The following SHISA9 variants were observed in gnomAD, a reference collection of about 807,000 sequenced individuals.
SHISA9 encodes the protein shisa family member 9.
In SHISA9, 13 loss-of-function variants were observed where a neutral mutation model predicts 38.0. The observed-to-expected ratio is 0.34, with a 90% CI of 0.22 to 0.54. SHISA9 has a LOEUF of 0.54. Among genes scored for constraint, SHISA9 ranks in the 20% least tolerant of loss-of-function variants. The pLI, the probability that SHISA9 is intolerant of heterozygous loss-of-function variation, is 0.91. For missense variants in SHISA9, 538 were observed against 575.8 expected, an observed-to-expected ratio of 0.93 and a Z score of 0.67; for synonymous variants, 275 against 242.0, an observed-to-expected ratio of 1.14 and a Z score of -1.27.
the SHISA9 span, among the ~76,000 whole-genome samples, chr16:13,250,516 AT>A: frequency 6.6e-6 from 1 of 152,072 alleles, no homozygotes; most frequent in Non-Finnish European, 1.5e-5. Flanking sequence ...TGATTCCCTT[AT>A]CCATATGATA....
At chr16:13,180,773 T>C (rs927933676) in intron 2 of SHISA9, among the ~76,000 whole-genome samples, 2 of 152,154 alleles carry the variant, frequency 1.3e-5, no homozygotes, top group Non-Finnish European at 2.9e-5. Context: ...GCCATCCTTA[T>C]GGAATCAGGA....
chr16:13,359,568 T>G, the SHISA9 span, among the ~76,000 whole-genome samples: 2 of 152,346 alleles, frequency 1.3e-5, no homozygotes, highest in African/African-American at 2.4e-5. Flanking sequence ...GTGGGAAAGT[T>G]GTGTAAGTTT....
chr16:13,076,029 ATTTTTTTTT>A (rs35313169), intron 2 of SHISA9, among the ~76,000 whole-genome samples: 1 of 135,496 alleles, frequency 7.4e-6, no homozygotes, highest in Non-Finnish European at 1.6e-5. Context: ...TGAGAAATAG[ATTTTTTTTT>A]TTTTTTTTTT....
chr16:13,137,078 G>C (rs997401204), intron 2 of SHISA9, among the ~76,000 whole-genome samples: 3 of 152,192 alleles, frequency 2.0e-5, no homozygotes, highest in Non-Finnish European at 4.4e-5. Flanking sequence ...TCAACAGAAT[G>C]TATCCTTTCC....
chr16:12,923,750 A>G lies in SHISA9; in HGVS notation c.691+6935A>G, dbSNP rs535088939. 1.6e-4 allele frequency among the ~76,000 whole-genome samples: 24 copies of G among 152,036 alleles called. No individual in the cohort carries two copies. In the South Asian group the frequency reaches 5.0e-3, roughly 32 times the overall value. ...CAGCTACTTGGGAGGCTGAGGCAGG[A>G]GAATGGCATGAATCTGGGAGGCGGA... On this transcript the variant is annotated intron_variant, in intron 2 of 4. Transcript: ENST00000558583.
intron 2 of SHISA9, among the ~76,000 whole-genome samples, chr16:12,949,113 C>G (rs1015176659): frequency 6.6e-6 from 1 of 152,152 alleles, no homozygotes; most frequent in South Asian, 2.1e-4. Flanking sequence ...TATTTGTACC[C>G]TTCTCTCCCT....
At chr16:13,329,533 C>T in the SHISA9 span, among the ~76,000 whole-genome samples, 1 of 152,184 alleles carries the variant, frequency 6.6e-6, no homozygotes, top group Non-Finnish European at 1.5e-5. Flanking sequence ...TTTCTTCCCA[C>T]TCCTCTAATT....
chr16:13,076,786 T>C (rs2073587753), intron 2 of SHISA9, among the ~76,000 whole-genome samples: 1 of 152,222 alleles, frequency 6.6e-6, no homozygotes, highest in Non-Finnish European at 1.5e-5. Flanking sequence ...AGGAATCTAC[T>C]TGGTTGTCAC....
the SHISA9 span, among the ~76,000 whole-genome samples, chr16:13,345,499 G>T: frequency 6.6e-6 from 1 of 152,078 alleles, no homozygotes; most frequent in African/African-American, 2.4e-5. Context: ...TCTTAATCCA[G>T]TCTATCACTG....
the SHISA9 span, among the ~76,000 whole-genome samples, chr16:13,338,882 C>T: frequency 3.9e-5 from 6 of 152,250 alleles, no homozygotes; most frequent in South Asian, 6.2e-4. Context: ...GTTAGATTTA[C>T]GTTAGACTTG....
At chr16:13,469,423 A>AAGAAAGAAAGAAAGAAAG in the SHISA9 span, among the ~76,000 whole-genome samples, 2 of 115,876 alleles carry the variant, frequency 1.7e-5, no homozygotes. Flanking sequence ...GAAAGAAAGA[A>AAGAAAGAAAGAAAGAAAG]AAAGAAAGAA....
At chr16:13,490,350 A>T in the SHISA9 span, among the ~76,000 whole-genome samples, 3 of 152,190 alleles carry the variant, frequency 2.0e-5, no homozygotes, top group African/African-American at 7.2e-5. Flanking sequence ...ATTGCCTGAG[A>T]CCAGCCTGGG....
intron 2 of SHISA9, among the ~76,000 whole-genome samples, chr16:13,126,721 G>C (rs765882916): frequency 1.4e-5 from 2 of 147,970 alleles, no homozygotes; most frequent in Non-Finnish European, 3.0e-5. Flanking sequence ...GAGAGACTGA[G>C]AGAAGGAAAG....
At chr16:13,551,722 A>G in the SHISA9 span, among the ~76,000 whole-genome samples, 923 of 152,274 alleles carry the variant, frequency 6.1e-3, 3 homozygotes, top group Middle Eastern at 0.014. Flanking sequence ...CTGAGTGATC[A>G]GGTGAAAAAA....
chr16:13,084,464 T>C (rs1264377049), intron 2 of SHISA9, among the ~76,000 whole-genome samples: 1 of 152,146 alleles, frequency 6.6e-6, no homozygotes, highest in Non-Finnish European at 1.5e-5. Context: ...TCAGGTGCCT[T>C]AGAGTGAGAA....
At chr16:13,449,885 G>A in the SHISA9 span, among the ~76,000 whole-genome samples, 1 of 152,154 alleles carries the variant, frequency 6.6e-6, no homozygotes, top group Non-Finnish European at 1.5e-5. Context: ...GTGAGGCTGA[G>A]GTGGGTGGAT....
chr16:13,470,234 G>A, the SHISA9 span, among the ~76,000 whole-genome samples: 2 of 152,180 alleles, frequency 1.3e-5, no homozygotes, highest in South Asian at 4.1e-4. Context: ...GTTATGAAGT[G>A]TTAATTCTGA....
the SHISA9 span, among the ~76,000 whole-genome samples, chr16:13,297,375 A>G: frequency 6.6e-6 from 1 of 152,206 alleles, no homozygotes; most frequent in Admixed American, 6.5e-5. Flanking sequence ...AATTGAAACA[A>G]ACTTAGATCG....
the SHISA9 span, among the ~76,000 whole-genome samples, chr16:13,362,054 T>G: frequency 6.6e-6 from 1 of 151,904 alleles, no homozygotes; most frequent in Non-Finnish European, 1.5e-5. Context: ...TTTTCTCACC[T>G]GCAAAATATA....
Sources: gnomAD v4.1 joint callset for allele counts (sites outside exome capture counted in the v4.1 genomes callset) on GRCh38, gnomAD v4.1.1 for gene constraint, MANE v1.5 for transcripts, NCBI Gene and HGNC (gene_info 2026-07-23, HGNC 2026-07-21) for gene names.